The following PPP1R13B variants were observed in gnomAD, a reference collection of about 807,000 sequenced individuals.
PPP1R13B encodes apoptosis-stimulating of p53 protein 1.
In PPP1R13B, 44 loss-of-function variants were observed where a neutral mutation model predicts 119.8. That is an observed-to-expected ratio of 0.37 (90% CI 0.29 to 0.47). PPP1R13B has a LOEUF of 0.47. Among genes scored for constraint, PPP1R13B ranks in the 20% least tolerant of loss-of-function variants. The probability of loss-of-function intolerance (pLI) is 0.99; values close to 1 mark genes in which losing one functional copy is unlikely to be tolerated. For missense variants in PPP1R13B, 1,227 were observed against 1,413.5 expected (o/e 0.87, Z 2.12); for synonymous variants, 542 against 561.5 (o/e 0.97, Z 0.49).
intron 1 of PPP1R13B, among the ~76,000 whole-genome samples, chr14:103,835,730 T>C (rs1264934564): frequency 2.0e-5 from 3 of 151,714 alleles, no homozygotes; most frequent in Non-Finnish European, 2.9e-5. Context: ...TGCCTCAGCC[T>C]CCCAAGTAGC....
At chr14:103,800,399 T>C (rs1471400457) in intron 1 of PPP1R13B, among the ~76,000 whole-genome samples, 2 of 152,080 alleles carry the variant, frequency 1.3e-5, no homozygotes, top group Non-Finnish European at 2.9e-5. Flanking sequence ...ACGCCTGTAA[T>C]CCCAGCACTC....
chr14:103,743,654 T>C (rs1400474351), intron 9 of PPP1R13B, among the ~76,000 whole-genome samples: 1 of 152,232 alleles, frequency 6.6e-6, no homozygotes, highest in Non-Finnish European at 1.5e-5. Flanking sequence ...AGGGACTCTT[T>C]TAGGCCCTCC....
At chr14:103,810,962 C>A (rs978447209) in intron 1 of PPP1R13B, among the ~76,000 whole-genome samples, 1 of 150,242 alleles carries the variant, frequency 6.7e-6, no homozygotes, top group East Asian at 2.0e-4. Context: ...CATGGCAGTG[C>A]GTGCCTGTAA....
chr14:103,740,260 C>A lies in PPP1R13B; in HGVS notation c.2156G>T (p.Gly719Val). Residue 719 changes from glycine (G) to valine (V), a missense_variant, in exon 12 of 17, where the codon GGG becomes GTG. Coordinates refer to ENST00000202556, the MANE Select transcript of PPP1R13B (RefSeq NM_015316.3). The surrounding 1 kb of genome is among the most constrained non-coding windows in gnomAD (Gnocchi z 4.6). ...GTACAGCAGCTTCTGGATGTTGGGC[C>A]CGCCGGGGCCCTCGGGCTCTGTGAT... ...SSITEPEGPGGPNIQKLLYQR... is the reference protein window; with the variant it reads ...SSITEPEGPGVPNIQKLLYQR... The A allele has an allele frequency of 1.2e-6, 2 of 1,604,038 alleles. No homozygotes were observed. Among genetic ancestry groups the A allele is most frequent in the East Asian group, 2.2e-5 (1 of 44,648 alleles).
chr14:103,810,584 T>C (rs2086127647), intron 1 of PPP1R13B, among the ~76,000 whole-genome samples: 1 of 150,790 alleles, frequency 6.6e-6, no homozygotes, highest in African/African-American at 2.4e-5. Context: ...CCATCCTGGC[T>C]AACACAGTGA....
chr14:103,826,212 T>C (rs1239092030), intron 1 of PPP1R13B, among the ~76,000 whole-genome samples: 1 of 152,074 alleles, frequency 6.6e-6, no homozygotes, highest in African/African-American at 2.4e-5. Context: ...ACCAAAAAAT[T>C]TGTGTGACTC....
chr14:103,826,495 A>C (rs1475434006), intron 1 of PPP1R13B, among the ~76,000 whole-genome samples: 1 of 152,230 alleles, frequency 6.6e-6, no homozygotes, highest in Non-Finnish European at 1.5e-5. Context: ...AGCAGTTATT[A>C]GTCTGGATTT....
intron 1 of PPP1R13B, among the ~76,000 whole-genome samples, chr14:103,817,598 T>C (rs1302066653): frequency 2.0e-4 from 31 of 152,140 alleles, no homozygotes; most frequent in Admixed American, 2.0e-3. Context: ...AGTATTGACA[T>C]TTTAGATAAA....
chr14:103,823,916 T>C (rs2086471862), intron 1 of PPP1R13B, among the ~76,000 whole-genome samples: 1 of 152,016 alleles, frequency 6.6e-6, no homozygotes, highest in African/African-American at 2.4e-5. Flanking sequence ...TACATATCCT[T>C]TCAAACCCTT....
At chr14:103,792,923 T>C (rs1240828967) in intron 2 of PPP1R13B, among the ~76,000 whole-genome samples, 1 of 151,584 alleles carries the variant, frequency 6.6e-6, no homozygotes, top group Non-Finnish European at 1.5e-5. Flanking sequence ...TGCAAAAAAT[T>C]AGCCGGGCAT....
chr14:103,753,462 T>C (rs891869002), intron 6 of PPP1R13B, among the ~76,000 whole-genome samples: 1 of 152,164 alleles, frequency 6.6e-6, no homozygotes, highest in Non-Finnish European at 1.5e-5. Context: ...GACTTAGAAA[T>C]CTCTGAGACC....
In PPP1R13B at chr14:103,808,206, T is replaced by C. The variant is rs146221467; in HGVS notation, c.10-10688A>G. ...TTGCAGTGAGCCAAGATCACGCCAC[T>C]GCACGCCAGCCCGGGCGACAGTGAC... is the stretch of plus-strand genomic sequence containing the variant. On this transcript the variant is annotated intron_variant, in intron 1 of 16. Transcript: ENST00000202556. 6.5e-3 allele frequency among the ~76,000 whole-genome samples: 978 copies of C among 150,856 alleles called. 11 individuals are homozygous for C. Among genetic ancestry groups the C allele is most frequent in the African/African-American group, 0.023 (944 of 41,022 alleles).
chr14:103,844,767 C>T (rs1248313088), intron 1 of PPP1R13B, among the ~76,000 whole-genome samples: 3 of 152,044 alleles, frequency 2.0e-5, no homozygotes, highest in Non-Finnish European at 4.4e-5. Flanking sequence ...ACATTATATA[C>T]TAATTGCCAA....
chr14:103,822,335 G>A (rs1176719700), intron 1 of PPP1R13B, among the ~76,000 whole-genome samples: 12 of 151,948 alleles, frequency 7.9e-5, no homozygotes, highest in African/African-American at 1.2e-4. Flanking sequence ...GGGTTTCGCC[G>A]TGTTGACCAG....
At chr14:103,834,486 G>C (rs2086728922) in intron 1 of PPP1R13B, among the ~76,000 whole-genome samples, 1 of 151,780 alleles carries the variant, frequency 6.6e-6, no homozygotes, top group Non-Finnish European at 1.5e-5. Flanking sequence ...CTTTTCAGCT[G>C]ACTGACAGGA....
intron 2 of PPP1R13B, among the ~76,000 whole-genome samples, chr14:103,796,549 T>C (rs939704023): frequency 2.0e-5 from 3 of 152,178 alleles, no homozygotes; most frequent in Middle Eastern, 3.2e-3. Context: ...AATGAAGCAA[T>C]TGCATTAGAA....
chr14:103,785,752 T>A (rs995889396), intron 2 of PPP1R13B, among the ~76,000 whole-genome samples: 1 of 137,126 alleles, frequency 7.3e-6, no homozygotes, highest in African/African-American at 2.7e-5. Context: ...CCTCCTGGCC[T>A]CAGGTGATCC....
chr14:103,793,133 G>C (rs1368062722), intron 2 of PPP1R13B, among the ~76,000 whole-genome samples: 6 of 138,970 alleles, frequency 4.3e-5, no homozygotes, highest in Non-Finnish European at 7.9e-5. Flanking sequence ...TGGGAGGGGA[G>C]GGGAGGGGAG....
Position 103,818,428 on chromosome 14 carries a change from A to C in PPP1R13B, c.10-20910T>G, listed in dbSNP as rs568792516. 156 of 912,516 alleles carry C rather than the reference A, an allele frequency of 1.7e-4. No homozygotes were observed. In the African/African-American group the frequency reaches 2.6e-3, roughly 15 times the overall value. 56.5% of individuals were successfully genotyped at this position (912,516 alleles called of 1,614,324 possible). On this transcript the variant is annotated intron_variant, in intron 1 of 16. Coordinates refer to ENST00000202556, the MANE Select transcript of PPP1R13B (RefSeq NM_015316.3). The stretch of plus-strand genomic sequence containing the variant: ...CATAATTTCTACTCTTGCAAACAAC[A>C]ACCTATATTATGGAGAATGACTGAA...
Sources: allele counts gnomAD v4.1 joint callset (sites outside exome capture counted in the v4.1 genomes callset), GRCh38; gene constraint gnomAD v4.1.1; non-coding constraint Gnocchi (gnomAD v3.1); transcripts MANE v1.5; gene names NCBI Gene and HGNC (gene_info 2026-07-23, HGNC 2026-07-21).